PDZRN3: variants seen among roughly 807,000 people sequenced by gnomAD.
The protein encoded by PDZRN3 is E3 ubiquitin-protein ligase PDZRN3.
A neutral mutation model predicts 85.7 loss-of-function variants in PDZRN3; 38 were observed. The observed-to-expected ratio is 0.44, with a 90% CI of 0.34 to 0.58. PDZRN3 has a LOEUF of 0.58. Ranked by LOEUF, PDZRN3 falls within the 20% of genes least tolerant of loss-of-function variation. The probability of loss-of-function intolerance (pLI) is 0.01; values close to 1 mark genes in which losing one functional copy is unlikely to be tolerated. For missense variants in PDZRN3, 1,629 were observed against 1,506.4 expected (o/e 1.08, Z -1.35); for synonymous variants, 759 against 638.0 (o/e 1.19, Z -2.86).
In PDZRN3 at chr3:73,410,809, T is replaced by A. The variant is rs17011112; in HGVS notation, c.919-6414A>T. Among the ~76,000 whole-genome samples, 623 of 152,342 alleles carry A rather than the reference T, an allele frequency of 4.1e-3. 24 individuals are homozygous for A. The highest frequency in any genetic ancestry group is 0.038 in the Admixed American group (586 of 15,302). On this transcript the variant is annotated intron_variant, in intron 3 of 9. Transcript: ENST00000263666. ...TTAGTATCTCCTTTGGAAACCTTGGTATCATCACATGAAATCTCATTTCAA... is the reference window on the plus strand; with the variant it reads ...TTAGTATCTCCTTTGGAAACCTTGGAATCATCACATGAAATCTCATTTCAA...
intron 3 of PDZRN3, among the ~76,000 whole-genome samples, chr3:73,570,503 T>C (rs1453081003): frequency 2.0e-5 from 3 of 152,194 alleles, no homozygotes; most frequent in East Asian, 1.9e-4. Flanking sequence ...TCCCCAGATA[T>C]GTAATAAATG....
chr3:73,500,885 C>A (rs1368902744), intron 3 of PDZRN3, among the ~76,000 whole-genome samples: 1 of 152,194 alleles, frequency 6.6e-6, no homozygotes, highest in Non-Finnish European at 1.5e-5. Context: ...AATCTATCCA[C>A]CAACTCTTCT....
intron 3 of PDZRN3, among the ~76,000 whole-genome samples, chr3:73,491,002 G>A (rs1703759787): frequency 6.6e-6 from 1 of 152,210 alleles, no homozygotes; most frequent in Non-Finnish European, 1.5e-5. Flanking sequence ...TGCCAGGCAA[G>A]CCCTCCAAGT....
chr3:73,524,508 G>C (rs1704474668), intron 3 of PDZRN3, among the ~76,000 whole-genome samples: 1 of 152,206 alleles, frequency 6.6e-6, no homozygotes, highest in African/African-American at 2.4e-5. Context: ...ACTTATCACA[G>C]GCTGCCTGTA....
At chr3:73,511,873 G>A (rs1330139914) in intron 3 of PDZRN3, among the ~76,000 whole-genome samples, 1 of 152,198 alleles carries the variant, frequency 6.6e-6, no homozygotes, top group Non-Finnish European at 1.5e-5. Flanking sequence ...CCAACCGTCT[G>A]GGCGAATACA....
chr3:73,417,372 G>A (rs1048164683), intron 3 of PDZRN3, among the ~76,000 whole-genome samples: 1 of 152,184 alleles, frequency 6.6e-6, no homozygotes, highest in Non-Finnish European at 1.5e-5. Context: ...TTAGAGTGAG[G>A]AGCAGTGGTC....
At chr3:73,569,555 C>T (rs1185976519) in intron 3 of PDZRN3, 20 of 1,056,822 alleles carry the variant, frequency 1.9e-5, no homozygotes, top group Non-Finnish European at 2.3e-5. Flanking sequence ...GCCTCCCACC[C>T]CCACACCCGC....
At chr3:73,392,228 G>T (rs1701543077) in intron 5 of PDZRN3, among the ~76,000 whole-genome samples, 1 of 152,250 alleles carries the variant, frequency 6.6e-6, no homozygotes, top group Admixed American at 6.5e-5. Flanking sequence ...CATGTTCAAG[G>T]AAGAGAGAAG....
intron 3 of PDZRN3, among the ~76,000 whole-genome samples, chr3:73,480,651 GGGT>G (rs1703544778): frequency 6.6e-6 from 1 of 152,140 alleles, no homozygotes; most frequent in South Asian, 2.1e-4. Flanking sequence ...TGGAGAAGCA[GGGT>G]TGATATTTCC....
chr3:73,603,819 A>G (rs1702552511), intron 2 of PDZRN3, among the ~76,000 whole-genome samples: 1 of 151,992 alleles, frequency 6.6e-6, no homozygotes, highest in Non-Finnish European at 1.5e-5. Flanking sequence ...CTAAGCTTGG[A>G]AAAATGTACA....
rs749752658 is a variant in PDZRN3 at position 73,624,151 on chromosome 3, C to T, written c.675G>A (p.Ala225=). Residue 225 remains alanine (A), a synonymous_variant, in exon 1 of 10, where the codon GCG becomes GCA. Transcript: ENST00000263666. ...CGCAGCGGCTGAGCGAGTCGAGGCGCGCGCTGTATTCGGTGAATTTCTTCT... is the reference window on the plus strand; with the variant it reads ...CGCAGCGGCTGAGCGAGTCGAGGCGTGCGCTGTATTCGGTGAATTTCTTCT... ...RYQKKFTEYS[A]RLDSLSRCVA... is the part of the protein sequence containing the mutation. The T allele has an allele frequency of 1.3e-6, 2 of 1,494,118 alleles. No homozygotes were observed. The highest frequency in any genetic ancestry group is 1.5e-5 in the African/African-American group (1 of 68,752). 92.6% of individuals were successfully genotyped at this position (1,494,118 alleles called of 1,614,324 possible). A position where few individuals can be genotyped will look rare whatever the true frequency, so the allele number is the denominator to read the frequency against.
At chr3:73,466,967 T>C (rs1454274832) in intron 3 of PDZRN3, among the ~76,000 whole-genome samples, 2 of 152,158 alleles carry the variant, frequency 1.3e-5, no homozygotes, top group Non-Finnish European at 2.9e-5. Flanking sequence ...GGGTAGATTC[T>C]AAAAAGGGGC....
intron 3 of PDZRN3, among the ~76,000 whole-genome samples, chr3:73,597,622 A>T (rs1040152441): frequency 3.3e-5 from 5 of 152,112 alleles, no homozygotes; most frequent in African/African-American, 1.2e-4. Context: ...TTGGTTCTCC[A>T]AGCCATATGG....
chr3:73,573,811 C>CTATACATATACATATACA (rs60904712), intron 3 of PDZRN3, among the ~76,000 whole-genome samples: 16 of 149,244 alleles, frequency 1.1e-4, no homozygotes, highest in East Asian at 5.9e-4. Context: ...ACACATACAC[C>CTATACATATACATATACA]TATACATATA....
chr3:73,537,504 C>G (rs534470623), intron 3 of PDZRN3, among the ~76,000 whole-genome samples: 20 of 152,320 alleles, frequency 1.3e-4, no homozygotes, highest in African/African-American at 4.3e-4. Flanking sequence ...TATTTGGCAT[C>G]AACAATTCCC....
At chr3:73,496,542 T>C (rs930161607) in intron 3 of PDZRN3, among the ~76,000 whole-genome samples, 4 of 145,150 alleles carry the variant, frequency 2.8e-5, no homozygotes, top group African/African-American at 1.0e-4. Context: ...CAGAAATAAT[T>C]TATAACGTAT....
intron 3 of PDZRN3, among the ~76,000 whole-genome samples, chr3:73,553,292 G>A (rs372279516): frequency 6.6e-6 from 1 of 152,004 alleles, no homozygotes. Flanking sequence ...ACCTATTATC[G>A]GCCAGGTGTG....
chr3:73,588,867 A>G (rs1302681153), intron 3 of PDZRN3, among the ~76,000 whole-genome samples: 2 of 152,182 alleles, frequency 1.3e-5, no homozygotes, highest in Non-Finnish European at 2.9e-5. Context: ...AGTCTGAGAA[A>G]CACTTGTTTA....
chr3:73,515,578 T>C (rs939799780), intron 3 of PDZRN3, among the ~76,000 whole-genome samples: 1 of 152,176 alleles, frequency 6.6e-6, no homozygotes, highest in South Asian at 2.1e-4. Flanking sequence ...AGAATCTCTA[T>C]TTCAAATTTA....
Sources: allele counts gnomAD v4.1 joint callset (sites outside exome capture counted in the v4.1 genomes callset), GRCh38; gene constraint gnomAD v4.1.1; transcripts MANE v1.5; gene names NCBI Gene and HGNC (gene_info 2026-07-23, HGNC 2026-07-21).